Variants in PTPN9 observed in about 807,000 individuals in gnomAD.
The protein encoded by PTPN9 is tyrosine-protein phosphatase non-receptor type 9.
A neutral mutation model predicts 69.8 loss-of-function variants in PTPN9; 26 were observed. The ratio of observed to expected loss-of-function variants is 0.37; its 90% CI spans 0.27 to 0.52. The LOEUF is 0.52. Among genes scored for constraint, PTPN9 ranks in the 20% least tolerant of loss-of-function variants. The pLI is 0.91. For synonymous variants in PTPN9, 274 were observed against 272.5 expected (o/e 1.01, Z -0.05); for missense variants, 549 against 740.3 (o/e 0.74, Z 3.00).
intron 7 of PTPN9, among the ~76,000 whole-genome samples, chr15:75,500,020 A>T (rs968665486): frequency 6.6e-5 from 10 of 152,108 alleles, no homozygotes; most frequent in African/African-American, 2.2e-4. Context: ...TCTACTAAAA[A>T]TACACAAATT....
rs910401844 is a variant in PTPN9, at chr15:75,521,384, G to A, written c.422+1737C>T. 3.7e-4 allele frequency among the ~76,000 whole-genome samples: 56 copies of A among 151,710 alleles called. 1 individual carries two copies. Among genetic ancestry groups the A allele is most frequent in the Admixed American group, 3.1e-3 (47 of 15,250 alleles). On this transcript the variant is annotated intron_variant, in intron 4 of 12. Transcript: ENST00000618819. ...GGAGAATGGCACGAACCCGGGAGTC[G>A]GAGCTTGCAGCGAGCTGAGATAGCG...
At chr15:75,554,258 A>G (rs2141336727) in intron 1 of PTPN9, among the ~76,000 whole-genome samples, 1 of 151,196 alleles carries the variant, frequency 6.6e-6, no homozygotes, top group South Asian at 2.1e-4. Flanking sequence ...GCAATGGTGC[A>G]ATCTTGGCTC....
chr15:75,482,503 T>C (rs2074645036), intron 8 of PTPN9, among the ~76,000 whole-genome samples: 1 of 141,650 alleles, frequency 7.1e-6, no homozygotes, highest in African/African-American at 2.7e-5. Context: ...AGGCGGAGCT[T>C]GCAGTGAGCC....
chr15:75,561,695 A>AT (rs2075104600), intron 1 of PTPN9, among the ~76,000 whole-genome samples: 1 of 151,366 alleles, frequency 6.6e-6, no homozygotes, highest in East Asian at 1.9e-4. Context: ...CGGCTAATTT[A>AT]TTTTTTATTT....
intron 1 of PTPN9, among the ~76,000 whole-genome samples, chr15:75,575,866 C>T (rs1301657746): frequency 1.4e-5 from 2 of 146,736 alleles, no homozygotes; most frequent in East Asian, 4.0e-4. Flanking sequence ...TTGCAGTGAG[C>T]CGAGATTGCG....
chr15:75,482,764 G>C (rs1319918301), intron 8 of PTPN9, among the ~76,000 whole-genome samples: 1 of 149,446 alleles, frequency 6.7e-6, no homozygotes, highest in African/African-American at 2.5e-5. Flanking sequence ...AAACACCCAA[G>C]AATTATCAAT....
intron 6 of PTPN9, 39 bp downstream of exon 6, chr15:75,508,874 GTATC>G: frequency 7.1e-7 from 1 of 1,404,292 alleles, no homozygotes. Context: ...GGAATTCACT[GTATC>G]TATTCACCTC....
intron 7 of PTPN9, among the ~76,000 whole-genome samples, chr15:75,495,280 G>A (rs748250837): frequency 2.0e-5 from 3 of 151,816 alleles, no homozygotes; most frequent in Non-Finnish European, 2.9e-5. Context: ...ACCAACCACA[G>A]TTTAGACTAG....
At chr15:75,574,198 C>T (rs928383528) in intron 1 of PTPN9, among the ~76,000 whole-genome samples, 1 of 149,974 alleles carries the variant, frequency 6.7e-6, no homozygotes, top group East Asian at 2.0e-4. Flanking sequence ...GGCAGGAGGA[C>T]GGCTTGAACC....
At chr15:75,489,067 C>T (rs1335197860) in intron 8 of PTPN9, among the ~76,000 whole-genome samples, 1 of 145,704 alleles carries the variant, frequency 6.9e-6, no homozygotes, top group Non-Finnish European at 1.5e-5. Context: ...CCCAGCTACT[C>T]GGGAGGCTGA....
chr15:75,544,783 T>G (rs188298493), intron 1 of PTPN9, among the ~76,000 whole-genome samples: 12 of 151,866 alleles, frequency 7.9e-5, no homozygotes, highest in African/African-American at 2.9e-4. Flanking sequence ...TTGGTAAACA[T>G]AGAGAGTGGG....
At chr15:75,576,967 A>G (rs950764463) in intron 1 of PTPN9, among the ~76,000 whole-genome samples, 1 of 152,170 alleles carries the variant, frequency 6.6e-6, no homozygotes, top group African/African-American at 2.4e-5. Context: ...TAAAAAAATA[A>G]TATTTTGTAG....
intron 4 of PTPN9, among the ~76,000 whole-genome samples, chr15:75,520,522 A>G (rs1351737897): frequency 1.3e-5 from 2 of 151,496 alleles, no homozygotes; most frequent in Non-Finnish European, 2.9e-5. Context: ...ATATACATAT[A>G]CTTTTTTTTT....
At chr15:75,487,954 T>C (rs1017234163) in intron 8 of PTPN9, among the ~76,000 whole-genome samples, 6 of 152,210 alleles carry the variant, frequency 3.9e-5, no homozygotes, top group African/African-American at 1.4e-4. Context: ...TTAAATTACT[T>C]TACTGTGTGT....
chr15:75,490,445 CAT>C, intron 7 of PTPN9, 144 bp from the exon 8 acceptor site: 1 of 629,958 alleles, frequency 1.6e-6, no homozygotes, highest in Non-Finnish European at 2.8e-6. Flanking sequence ...CATACAGTTC[CAT>C]ATCATTTAAC....
intron 1 of PTPN9, among the ~76,000 whole-genome samples, chr15:75,548,811 G>A (rs949155224): frequency 1.3e-5 from 2 of 150,518 alleles, no homozygotes; most frequent in African/African-American, 2.4e-5. Flanking sequence ...CCGCCACCAC[G>A]CCCGGCTAAT....
chr15:75,573,462 T>C (rs77939963), intron 1 of PTPN9, among the ~76,000 whole-genome samples: 4,839 of 152,282 alleles, frequency 0.032, 117 homozygotes, highest in Non-Finnish European at 0.048. Flanking sequence ...AGGATTTGTA[T>C]CCGTTCAACA....
chr15:75,560,210 G>A (rs957956082), intron 1 of PTPN9, among the ~76,000 whole-genome samples: 7 of 151,950 alleles, frequency 4.6e-5, no homozygotes, highest in Non-Finnish European at 1.0e-4. Context: ...AAACAAAATG[G>A]CACACACTGG....
chr15:75,554,209 T>G (rs2075067475), intron 1 of PTPN9, among the ~76,000 whole-genome samples: 1 of 149,658 alleles, frequency 6.7e-6, no homozygotes, highest in African/African-American at 2.5e-5. Context: ...AATTTTTTTT[T>G]TTGAAATAGA....
Sources: allele counts gnomAD v4.1 joint callset (sites outside exome capture counted in the v4.1 genomes callset), GRCh38; gene constraint gnomAD v4.1.1; transcripts MANE v1.5; gene names NCBI Gene and HGNC (gene_info 2026-07-23, HGNC 2026-07-21).